The following KIAA0319L variants were observed in gnomAD, a reference collection of about 807,000 sequenced individuals.
KIAA0319L encodes KIAA0319 like, also known as dyslexia-associated protein KIAA0319-like protein.
Under a neutral mutation model 120.1 loss-of-function variants are expected in KIAA0319L, and 55 were observed. The observed-to-expected ratio is 0.46, with a 90% CI of 0.37 to 0.57. KIAA0319L has a LOEUF of 0.57. KIAA0319L is among the 20% of genes least tolerant of loss of function. The pLI is 0.00. For synonymous variants in KIAA0319L, 398 were observed against 471.9 expected (o/e 0.84, Z 2.03); for missense variants, 1,049 against 1,255.3 (o/e 0.84, Z 2.48).
intron 2 of KIAA0319L, among the ~76,000 whole-genome samples, chr1:35,520,793 T>G (rs1645879883): frequency 6.6e-6 from 1 of 152,204 alleles, no homozygotes; most frequent in Non-Finnish European, 1.5e-5. Flanking sequence ...TGGGAATTAC[T>G]TTGGTAGAGT....
At chr1:35,524,813 C>T (rs1284207221) in intron 2 of KIAA0319L, among the ~76,000 whole-genome samples, 1 of 152,182 alleles carries the variant, frequency 6.6e-6, no homozygotes, top group Non-Finnish European at 1.5e-5. Flanking sequence ...ATATCCATCA[C>T]CACAAGCATT....
At position 35,466,798 on chromosome 1, in the gene KIAA0319L, C is replaced by A; in HGVS notation, c.1114-103G>T. Reference sequence around the variant, plus strand: ...TCCCAAGCTGAATCTTTCACTCTTTCCTTCCCCTATTTCCAAAATGGAAAA... The same window carrying A: ...TCCCAAGCTGAATCTTTCACTCTTTACTTCCCCTATTTCCAAAATGGAAAA... On this transcript the variant is annotated intron_variant, in intron 6 of 20. Transcript: ENST00000325722. 9.8e-6 allele frequency: 8 copies of A among 816,224 alleles called. No individual in the cohort carries two copies. The East Asian group carries it at 1.8e-4, about 19-fold the overall frequency. 50.6% of individuals were successfully genotyped at this position (816,224 alleles called of 1,614,324 possible). A position where few individuals can be genotyped will look rare whatever the true frequency, so the allele number is the denominator to read the frequency against.
At chr1:35,554,288 G>A in intron 2 of KIAA0319L, 62 bp downstream of exon 2, 2 of 1,259,128 alleles carry the variant, frequency 1.6e-6, no homozygotes, top group Non-Finnish European at 1.1e-6. Flanking sequence ...ATGAACTGAG[G>A]GACTCACATA....
At chr1:35,449,154 A>C (rs181738416) in intron 15 of KIAA0319L, among the ~76,000 whole-genome samples, 29 of 152,134 alleles carry the variant, frequency 1.9e-4, no homozygotes, top group African/African-American at 6.3e-4. Context: ...GGACTGGAAG[A>C]CCTCCCAAGA....
At position 35,529,792 on chromosome 1, in the gene KIAA0319L, GT is replaced by G. The variant is rs147766286; in HGVS notation, c.143-22658del. On this transcript the variant is annotated intron_variant, in intron 2 of 20. Coordinates refer to ENST00000325722, the MANE Select transcript of KIAA0319L (RefSeq NM_024874.5). ...ACTATCATGTGCCAAGGAGATCTTT[GT>G]GGGTTGTATCTGTTTGGGAATCTCT... Among the ~76,000 whole-genome samples the G allele has an allele frequency of 6.0e-3, 912 of 152,216 alleles. 10 individuals are homozygous for G. Among genetic ancestry groups the G allele is most frequent in the African/African-American group, 0.021 (869 of 41,514 alleles).
In KIAA0319L at chr1:35,460,393, G is replaced by GTTC; in HGVS notation, c.1336_1338dup (p.Glu446dup). 1 of 1,612,606 alleles carries GTTC rather than the reference G, an allele frequency of 6.2e-7. No individual in the cohort carries two copies. Among genetic ancestry groups the GTTC allele is most frequent in the Non-Finnish European group, 8.5e-7 (1 of 1,178,740 alleles). On this transcript the variant is annotated inframe_insertion, in exon 9 of 21. Coordinates refer to ENST00000325722, the MANE Select transcript of KIAA0319L (RefSeq NM_024874.5). ...TTCTCTTCTCTTAGAGGCCCCTTAAGTTCTTCCCAATGGTACTGAACGATT... is the reference window on the plus strand; with the variant it reads ...TTCTCTTCTCTTAGAGGCCCCTTAAGTTCTTCTTCCCAATGGTACTGAACGATT...
chr1:35,449,994 AT>A lies in KIAA0319L; in HGVS notation c.2225del (p.Asn742IlefsTer23). 1.2e-6 allele frequency: 2 copies of A among 1,614,184 alleles called. No individual in the cohort carries two copies. The highest frequency in any genetic ancestry group is 1.7e-6 in the Non-Finnish European group (2 of 1,180,014). ...AAAGGATAGGGTGATGGTCAGAGTG[AT>A]TTAACACCTCCTGTAGGGTTGAACA... ...EGSPAAGEVL[N>X]HSDHHPILFL... On this transcript the variant is annotated frameshift_variant, in exon 15 of 21. Coordinates refer to ENST00000325722, the MANE Select transcript of KIAA0319L (RefSeq NM_024874.5). LOFTEE classifies it high-confidence loss of function.
Position 35,466,713 on chromosome 1 carries a change from G to C in KIAA0319L, c.1114-18C>G. The C allele has an allele frequency of 6.6e-7, 1 of 1,509,996 alleles. No individual in the cohort carries two copies. Among genetic ancestry groups the C allele is most frequent in the Non-Finnish European group, 9.2e-7 (1 of 1,085,804 alleles). 93.5% of individuals were successfully genotyped at this position (1,509,996 alleles called of 1,614,324 possible). A position where few individuals can be genotyped will look rare whatever the true frequency, so the allele number is the denominator to read the frequency against. Reference sequence around the variant, plus strand: ...GGAGTGAGCTGCAGAAGTGAGAGAAGATCTCTTAGACAATCACAAAGAGCA... The same window carrying C: ...GGAGTGAGCTGCAGAAGTGAGAGAACATCTCTTAGACAATCACAAAGAGCA... On this transcript the variant is annotated intron_variant, in intron 6 of 20. Coordinates refer to ENST00000325722, the MANE Select transcript of KIAA0319L (RefSeq NM_024874.5).
At chr1:35,538,269 G>A (rs1243411081) in intron 2 of KIAA0319L, among the ~76,000 whole-genome samples, 1 of 152,064 alleles carries the variant, frequency 6.6e-6, no homozygotes, top group East Asian at 1.9e-4. Flanking sequence ...CATTAATAAT[G>A]TGAATTAAGC....
chr1:35,523,786 AAC>A (rs946974025), intron 2 of KIAA0319L, among the ~76,000 whole-genome samples: 1 of 152,234 alleles, frequency 6.6e-6, no homozygotes, highest in Admixed American at 6.5e-5. Context: ...CCAGAGGAAA[AAC>A]AGTGTCTTTT....
At chr1:35,479,254 A>G (rs1644043069) in intron 3 of KIAA0319L, 42 bp from the exon 4 acceptor site, 1 of 1,545,632 alleles carries the variant, frequency 6.5e-7, no homozygotes. Flanking sequence ...TAAAAGTTAC[A>G]TAATTTTTCA....
At position 35,440,852 on chromosome 1, in the gene KIAA0319L, G is replaced by A. The variant is rs1414776858; in HGVS notation, c.2962+195C>T. The A allele has an allele frequency of 2.5e-5, 15 of 592,566 alleles. 1 individual carries two copies. Among genetic ancestry groups the A allele is most frequent in the Admixed American group, 2.8e-5 (1 of 35,682 alleles). The allele number at this position is 592,566 out of a possible 1,614,324, so 36.7% of individuals were successfully genotyped here. Reference sequence around the variant, plus strand: ...CCCCCGCCAAGCGGAAGTAGCACGCGAAGTGGGTCCTGGAGGCATTTTGTC... The same window carrying A: ...CCCCCGCCAAGCGGAAGTAGCACGCAAAGTGGGTCCTGGAGGCATTTTGTC... On this transcript the variant is annotated intron_variant, in intron 20 of 20. Transcript: ENST00000325722.
At chr1:35,435,278 T>C in intron 20 of KIAA0319L, 197 bp from the exon 21 acceptor site, 1 of 588,682 alleles carries the variant, frequency 1.7e-6, no homozygotes, top group South Asian at 2.0e-5. Context: ...CACTAAGGGG[T>C]GTCACAGAGT....
Position 35,454,420 on chromosome 1 carries a change from T to C in KIAA0319L, c.1722A>G (p.Thr574=), listed in dbSNP as rs758793956. 28 of 1,614,188 alleles carry C rather than the reference T, an allele frequency of 1.7e-5. No individual in the cohort carries two copies. Among genetic ancestry groups the C allele is most frequent in the Non-Finnish European group, 2.3e-5 (27 of 1,179,994 alleles). Residue 574 remains threonine, a synonymous_variant, in exon 11 of 21, where the codon ACA becomes ACG. Coordinates refer to ENST00000325722, the MANE Select transcript of KIAA0319L (RefSeq NM_024874.5). ...CCTGCTGTCCTATTGTGTCAGTCAC[T>C]GTGAGCTGGTAAGTGTAGTCTCCTT... ...MQEGDYTYQL[T]VTDTIGQQAT...
chr1:35,452,874 A>T (rs1188636), intron 12 of KIAA0319L, among the ~76,000 whole-genome samples: 1 of 152,126 alleles, frequency 6.6e-6, no homozygotes, highest in Non-Finnish European at 1.5e-5. Flanking sequence ...ACAAAAAAAA[A>T]CCCAGGCTGT....
intron 2 of KIAA0319L, among the ~76,000 whole-genome samples, chr1:35,535,136 C>CCCAGTA (rs1016287693): frequency 6.1e-5 from 9 of 147,752 alleles, no homozygotes; most frequent in African/African-American, 2.3e-4. Context: ...AATAACAGTA[C>CCCAGTA]CCAGTACCAG....
At chr1:35,465,784 A>G (rs1432871067) in intron 7 of KIAA0319L, among the ~76,000 whole-genome samples, 1 of 152,130 alleles carries the variant, frequency 6.6e-6, no homozygotes, top group African/African-American at 2.4e-5. Context: ...GGTGGGAGGT[A>G]ATTGAATTAT....
At chr1:35,462,773 C>A (rs1320496843) in intron 7 of KIAA0319L, 60 bp from the exon 8 acceptor site, 11 of 1,297,900 alleles carry the variant, frequency 8.5e-6, no homozygotes, top group Non-Finnish European at 1.2e-5. Flanking sequence ...CAGGAGCAGG[C>A]TGTATCTGAG....
rs529314907 is a variant in KIAA0319L, at chr1:35,554,598, A to G, written c.-28-79T>C. 3.8e-5 allele frequency: 41 copies of G among 1,069,940 alleles called. No individual in the cohort carries two copies. In the East Asian group the frequency reaches 1.0e-3, roughly 26 times the overall value. The allele number at this position is 1,069,940 out of a possible 1,614,324, so 66.3% of individuals were successfully genotyped here. Reference sequence around the variant, plus strand: ...CTGGAAATGTGGAATGCTAGAAAATATGACAGATTAGGGGAAAGAAAAATT... The same window carrying G: ...CTGGAAATGTGGAATGCTAGAAAATGTGACAGATTAGGGGAAAGAAAAATT... On this transcript the variant is annotated intron_variant, in intron 1 of 20. Coordinates refer to ENST00000325722, the MANE Select transcript of KIAA0319L (RefSeq NM_024874.5).
Sources: gnomAD v4.1 joint callset for allele counts (sites outside exome capture counted in the v4.1 genomes callset) on GRCh38, gnomAD v4.1.1 for gene constraint, MANE v1.5 for transcripts, NCBI Gene and HGNC (gene_info 2026-07-23, HGNC 2026-07-21) for gene names.